The following GNAL variants were observed in gnomAD, a reference collection of about 807,000 sequenced individuals.
The protein encoded by GNAL is guanine nucleotide-binding protein G(olf) subunit alpha.
Under a neutral mutation model 55.1 loss-of-function variants are expected in GNAL, and 18 were observed. The ratio of observed to expected loss-of-function variants is 0.33; its 90% CI spans 0.23 to 0.48. The LOEUF is 0.48. Ranked by LOEUF, GNAL falls within the 20% of genes least tolerant of loss-of-function variation. GNAL has a pLI of 0.99. For synonymous variants in GNAL, 253 were observed against 237.0 expected (o/e 1.07, Z -0.62); for missense variants, 412 against 614.1 (o/e 0.67, Z 3.48).
rs1289511654 is a variant in GNAL at position 11,796,592 on chromosome 18, A to C, written c.625-28326A>C. Among the ~76,000 whole-genome samples, 5 of 145,488 alleles carry C rather than the reference A, an allele frequency of 3.4e-5. 1 individual carries two copies. The highest frequency in any genetic ancestry group is 1.1e-4 in the African/African-American group (4 of 37,982). The stretch of plus-strand genomic sequence containing the variant: ...CCTTCTCACAAAAAAAAAAAAAAAA[A>C]AAACAAAACACGCAACCTTTCCATT... On this transcript the variant is annotated intron_variant, in intron 4 of 11. Coordinates refer to ENST00000334049, the MANE Select transcript of GNAL (RefSeq NM_182978.4).
intron 9 of GNAL, among the ~76,000 whole-genome samples, chr18:11,869,178 G>C (rs573194613): frequency 1.3e-5 from 2 of 151,574 alleles, no homozygotes; most frequent in South Asian, 4.2e-4. Context: ...GAGTCTCGCT[G>C]TGTCACCCAG....
At chr18:11,699,006 C>G (rs543449464) in intron 1 of GNAL, among the ~76,000 whole-genome samples, 2 of 152,054 alleles carry the variant, frequency 1.3e-5, no homozygotes, top group African/African-American at 2.4e-5. Flanking sequence ...CAAAGATTAA[C>G]ATTTTCAAAG....
intron 5 of GNAL, among the ~76,000 whole-genome samples, chr18:11,861,384 G>A (rs552885113): frequency 6.6e-6 from 1 of 152,198 alleles, no homozygotes; most frequent in Non-Finnish European, 1.5e-5. Flanking sequence ...AGCCCTCAAT[G>A]GTCACCTGTC....
intron 4 of GNAL, among the ~76,000 whole-genome samples, chr18:11,797,756 C>G (rs1164377934): frequency 6.6e-6 from 1 of 150,958 alleles, no homozygotes; most frequent in Non-Finnish European, 1.5e-5. Context: ...GAGGTGAGAC[C>G]TTGTCTCACA....
intron 5 of GNAL, chr18:11,857,819 CT>C (rs1157751233): frequency 2.7e-5 from 21 of 765,208 alleles, no homozygotes; most frequent in Non-Finnish European, 3.2e-5. Context: ...GTACGAACTC[CT>C]GGGCTCCAGT....
intron 1 of GNAL, among the ~76,000 whole-genome samples, chr18:11,711,503 T>C (rs1339043448): frequency 6.6e-6 from 1 of 152,174 alleles, no homozygotes; most frequent in East Asian, 1.9e-4. Flanking sequence ...TTGAGCCCTG[T>C]AGTGATTATT....
intron 5 of GNAL, among the ~76,000 whole-genome samples, chr18:11,837,141 C>T (rs2035515058): frequency 6.6e-6 from 1 of 152,066 alleles, no homozygotes; most frequent in Non-Finnish European, 1.5e-5. Context: ...TTTAGACATG[C>T]CACCACGCCC....
At chr18:11,809,360 A>C (rs1048611820) in intron 4 of GNAL, among the ~76,000 whole-genome samples, 1 of 152,228 alleles carries the variant, frequency 6.6e-6, no homozygotes, top group African/African-American at 2.4e-5. Context: ...AAATGTTCCA[A>C]AATTGATGGT....
intron 4 of GNAL, among the ~76,000 whole-genome samples, chr18:11,806,886 C>T (rs890967439): frequency 1.3e-5 from 2 of 152,116 alleles, no homozygotes; most frequent in African/African-American, 2.4e-5. Context: ...ACCTGCAGCT[C>T]GAGCTCCTGA....
At chr18:11,815,812 T>C (rs1444225021) in intron 4 of GNAL, among the ~76,000 whole-genome samples, 5 of 152,224 alleles carry the variant, frequency 3.3e-5, no homozygotes, top group African/African-American at 1.2e-4. Context: ...TTGTAATCTC[T>C]TACTTTTATT....
chr18:11,809,369 G>A (rs554096215), intron 4 of GNAL, among the ~76,000 whole-genome samples: 3 of 152,136 alleles, frequency 2.0e-5, no homozygotes, highest in Non-Finnish European at 4.4e-5. Context: ...AAAATTGATG[G>A]TGGTGATGAA....
chr18:11,701,049 C>T (rs2143317820), intron 1 of GNAL, among the ~76,000 whole-genome samples: 1 of 152,318 alleles, frequency 6.6e-6, no homozygotes, highest in Admixed American at 6.5e-5. Flanking sequence ...AGAGCACAGC[C>T]TCAGCCCTGG....
rs66803403 is a variant in GNAL at position 11,786,436 on chromosome 18, C to CTTTTTTTTTT, written c.624+32512_624+32521dup. ...GGTGGGATAGATCTTCATACGTTTT[C>CTTTTTTTTTT]TTTTTTTTTTTTTTTTTTTTTTTTT... On this transcript the variant is annotated intron_variant, in intron 4 of 11. Transcript: ENST00000334049. Among the ~76,000 whole-genome samples, 42 of 60,684 alleles carry CTTTTTTTTTT rather than the reference C, an allele frequency of 6.9e-4. 7 individuals carry two copies. The highest frequency in any genetic ancestry group is 7.7e-4 in the Non-Finnish European group (27 of 35,222). The allele number at this position is 60,684 out of a possible 152,430, so 39.8% of individuals were successfully genotyped here.
intron 1 of GNAL, among the ~76,000 whole-genome samples, chr18:11,701,684 G>A (rs2143321156): frequency 6.6e-6 from 1 of 152,158 alleles, no homozygotes; most frequent in African/African-American, 2.4e-5. Context: ...TCATCAAGGA[G>A]CTGCTGAAAG....
rs147275956 is a variant in GNAL, at chr18:11,884,554, T to G, written c.*3419T>G. The G allele has an allele frequency of 2.4e-5, 39 of 1,613,892 alleles. No homozygotes were observed. Among genetic ancestry groups the G allele is most frequent in the Non-Finnish European group, 8.5e-7 (1 of 1,180,024 alleles). On this transcript the variant is annotated 3_prime_UTR_variant, in exon 12 of 12. Coordinates refer to ENST00000334049, the MANE Select transcript of GNAL (RefSeq NM_182978.4). ...CACAAGGAAGCCCACCACTCCACAG[T>G]AGATGATCAAAACCACATCCTCACG...
intron 5 of GNAL, among the ~76,000 whole-genome samples, chr18:11,854,641 C>T (rs777218748): frequency 2.0e-5 from 3 of 152,004 alleles, no homozygotes; most frequent in Middle Eastern, 3.2e-3. Flanking sequence ...ATTAGCTGGG[C>T]GTGGTGCTGC....
At chr18:11,806,037 A>G (rs1021339036) in intron 4 of GNAL, among the ~76,000 whole-genome samples, 3 of 152,204 alleles carry the variant, frequency 2.0e-5, no homozygotes, top group Admixed American at 2.0e-4. Context: ...AGTAATAGCC[A>G]TTCTGACTGC....
intron 1 of GNAL, among the ~76,000 whole-genome samples, chr18:11,726,587 C>A (rs932330981): frequency 6.6e-6 from 1 of 152,196 alleles, no homozygotes; most frequent in African/African-American, 2.4e-5. Context: ...ATCCTGGGAT[C>A]TTCTGATCCA....
At chr18:11,740,922 A>G (rs1167591193) in intron 1 of GNAL, among the ~76,000 whole-genome samples, 1 of 152,252 alleles carries the variant, frequency 6.6e-6, no homozygotes, top group East Asian at 1.9e-4. Context: ...GAGCCACTCC[A>G]GCTTCTCTGA....
Sources: allele counts gnomAD v4.1 joint callset (sites outside exome capture counted in the v4.1 genomes callset), GRCh38; gene constraint gnomAD v4.1.1; transcripts MANE v1.5; gene names NCBI Gene and HGNC (gene_info 2026-07-23, HGNC 2026-07-21).